SLC22A11: variants seen among roughly 807,000 people sequenced by gnomAD.
SLC22A11 encodes the protein solute carrier family 22 member 11.
Under a neutral mutation model 49.4 loss-of-function variants are expected in SLC22A11, and 42 were observed. The observed-to-expected ratio is 0.85, with a 90% CI of 0.66 to 1.10. The LOEUF (loss-of-function observed/expected upper bound fraction) is 1.10. Ranked by LOEUF, SLC22A11 falls within the 50% of genes least tolerant of loss-of-function variation. The pLI is 0.00. For missense variants in SLC22A11, 685 were observed against 731.6 expected (o/e 0.94, Z 0.74); for synonymous variants, 304 against 315.8 (o/e 0.96, Z 0.40).
Position 64,565,653 on chromosome 11 carries a change from G to T in SLC22A11, c.1058+316G>T, listed in dbSNP as rs781126652. ...AGAGCCAGGGTCCCTAGAGCCAGGG[G>T]ACCAGCCACGGCCGAGGAGTACCAC... On this transcript the variant is annotated intron_variant, in intron 6 of 9. Transcript: ENST00000301891. This position sits in a 1 kb window ranked among gnomAD's most constrained non-coding sequence, Gnocchi z 4.1. 4 of 467,708 alleles carry T rather than the reference G, an allele frequency of 8.6e-6. No individual in the cohort carries two copies. Among genetic ancestry groups the T allele is most frequent in the African/African-American group, 3.9e-5 (2 of 50,836 alleles). 29.0% of individuals were successfully genotyped at this position (467,708 alleles called of 1,614,324 possible). A position where few individuals can be genotyped will look rare whatever the true frequency, so the allele number is the denominator to read the frequency against.
chr11:64,564,228 C>T lies in SLC22A11; in HGVS notation c.822-80C>T. ...TCATCACTCATCTCAGCTGGAGGGTCCGTGCCCACTGCCCCTTTCCACCCC... is the reference window on the plus strand; with the variant it reads ...TCATCACTCATCTCAGCTGGAGGGTTCGTGCCCACTGCCCCTTTCCACCCC... On this transcript the variant is annotated intron_variant, in intron 4 of 9. Coordinates refer to ENST00000301891, the MANE Select transcript of SLC22A11 (RefSeq NM_018484.4). This position sits in a 1 kb window ranked among gnomAD's most constrained non-coding sequence, Gnocchi z 4.2. 3 of 1,566,384 alleles carry T rather than the reference C, an allele frequency of 1.9e-6. No homozygotes were observed. The highest frequency in any genetic ancestry group is 2.6e-6 in the Non-Finnish European group (3 of 1,147,700).
intron 2 of SLC22A11, among the ~76,000 whole-genome samples, chr11:64,561,412 G>A (rs1454912000): frequency 1.3e-5 from 2 of 152,144 alleles, no homozygotes; most frequent in Non-Finnish European, 2.9e-5. Context: ...CAGAGCTGGG[G>A]CTCAAACCCA....
intron 6 of SLC22A11, chr11:64,566,097 G>C (rs529025053): frequency 6.3e-6 from 1 of 159,650 alleles, no homozygotes; most frequent in Non-Finnish European, 1.4e-5. Context: ...TTCAAGACCA[G>C]CCTGGGTAAC....
Position 64,565,429 on chromosome 11 carries a change from C to T in SLC22A11, c.1058+92C>T. The T allele has an allele frequency of 1.9e-6, 2 of 1,025,870 alleles. No homozygotes were observed. Among genetic ancestry groups the T allele is most frequent in the Non-Finnish European group, 2.9e-6 (2 of 682,080 alleles). 63.5% of individuals were successfully genotyped at this position (1,025,870 alleles called of 1,614,324 possible). A position where few individuals can be genotyped will look rare whatever the true frequency, so the allele number is the denominator to read the frequency against. ...CAGGAGGCAGAGCGTCCAGGGGAAA[C>T]AGCACCCGCAGGCCTCAAGGGGGTG... On this transcript the variant is annotated intron_variant, in intron 6 of 9. Coordinates refer to ENST00000301891, the MANE Select transcript of SLC22A11 (RefSeq NM_018484.4). This position sits in a 1 kb window ranked among gnomAD's most constrained non-coding sequence, Gnocchi z 4.1.
In SLC22A11 at chr11:64,562,252, G is replaced by A. The variant is rs868213630; in HGVS notation, c.653-15G>A. The A allele has an allele frequency of 1.2e-6, 2 of 1,601,408 alleles. No individual in the cohort carries two copies. Among genetic ancestry groups the A allele is most frequent in the Middle Eastern group, 3.3e-4 (2 of 6,022 alleles). ...GCCGCATGAGGCCTCACCTGCACGTGTCTGCATCCTTCAGTGGTGGAGTGG... is the reference window on the plus strand; with the variant it reads ...GCCGCATGAGGCCTCACCTGCACGTATCTGCATCCTTCAGTGGTGGAGTGG... On this transcript the variant is annotated splice_polypyrimidine_tract_variant and intron_variant, in intron 3 of 9. Transcript: ENST00000301891. The surrounding 1 kb of genome is among the most constrained non-coding windows in gnomAD (Gnocchi z 4.4).
At chr11:64,556,510 C>G in intron 1 of SLC22A11, 118 bp downstream of exon 1, 2 of 1,450,490 alleles carry the variant, frequency 1.4e-6, no homozygotes, top group South Asian at 2.6e-5. Flanking sequence ...TCGAGCCTCT[C>G]AGCCCCTCGT....
At position 64,564,254 on chromosome 11, in the gene SLC22A11, G is replaced by A. The variant is rs374708287; in HGVS notation, c.822-54G>A. 6.8e-6 allele frequency: 11 copies of A among 1,606,674 alleles called. No homozygotes were observed. The highest frequency in any genetic ancestry group is 1.7e-4 in the Middle Eastern group (1 of 6,008). On this transcript the variant is annotated intron_variant, in intron 4 of 9. Transcript: ENST00000301891. This position sits in a 1 kb window ranked among gnomAD's most constrained non-coding sequence, Gnocchi z 4.2. Reference sequence around the variant, plus strand: ...CGTGCCCACTGCCCCTTTCCACCCCGCCCCGGGGGAGAGCCCAGCGTGCAC... The same window carrying A: ...CGTGCCCACTGCCCCTTTCCACCCCACCCCGGGGGAGAGCCCAGCGTGCAC...
intron 6 of SLC22A11, chr11:64,566,703 G>T (rs1565123391): frequency 6.6e-6 from 1 of 152,118 alleles, no homozygotes; most frequent in East Asian, 1.9e-4. Context: ...AAACACCGCG[G>T]CTTGTGCGAT....
At position 64,564,257 on chromosome 11, in the gene SLC22A11, C is replaced by G. The variant is rs552352353; in HGVS notation, c.822-51C>G. 1.2e-6 allele frequency: 2 copies of G among 1,609,058 alleles called. No homozygotes were observed. The highest frequency in any genetic ancestry group is 2.2e-5 in the East Asian group (1 of 44,812). ...GCCCACTGCCCCTTTCCACCCCGCC[C>G]CGGGGGAGAGCCCAGCGTGCACTCC... On this transcript the variant is annotated intron_variant, in intron 4 of 9. Coordinates refer to ENST00000301891, the MANE Select transcript of SLC22A11 (RefSeq NM_018484.4). This position sits in a 1 kb window ranked among gnomAD's most constrained non-coding sequence, Gnocchi z 4.2.
chr11:64,569,645 C>T lies in SLC22A11; in HGVS notation c.1383-7C>T, dbSNP rs753891295. On this transcript the variant is annotated splice_polypyrimidine_tract_variant and splice_region_variant and intron_variant, in intron 8 of 9. Coordinates refer to ENST00000301891, the MANE Select transcript of SLC22A11 (RefSeq NM_018484.4). ...ACAGGGATCTGGGCCCTCCCCTTCA[C>T]CCACAGGATGACAGCAGATGGCATT... is the stretch of plus-strand genomic sequence containing the variant. 10 of 1,611,954 alleles carry T rather than the reference C, an allele frequency of 6.2e-6. No individual in the cohort carries two copies. The highest frequency in any genetic ancestry group is 8.5e-6 in the Non-Finnish European group (10 of 1,178,620).
At chr11:64,559,305 G>C in intron 2 of SLC22A11, 67 bp downstream of exon 2, 1 of 1,266,008 alleles carries the variant, frequency 7.9e-7, no homozygotes, top group African/African-American at 1.5e-5. Context: ...TGGGGCAGAA[G>C]GTTCAGAAAT....
At position 64,561,212 on chromosome 11, in the gene SLC22A11, C is replaced by G. The variant is rs982238160; in HGVS notation, c.498-792C>G. On this transcript the variant is annotated intron_variant, in intron 2 of 9. Transcript: ENST00000301891. ...CTCTGCATCCGCCCCATGAGCACCC[C>G]CTTCACAGCGCACAGGTGAGAGCAG... 5.9e-5 allele frequency among the ~76,000 whole-genome samples: 9 copies of G among 152,258 alleles called. No homozygotes were observed. In the South Asian group the frequency reaches 1.7e-3, roughly 28 times the overall value.
chr11:64,556,521 C>A, intron 1 of SLC22A11, 129 bp downstream of exon 1: 1 of 1,385,338 alleles, frequency 7.2e-7, no homozygotes, highest in Non-Finnish European at 9.7e-7. Flanking sequence ...AGCCCCTCGT[C>A]AGCCACACAC....
rs775727049 is a variant in SLC22A11 at position 64,567,728 on chromosome 11, CA to C, written c.1189del (p.Ser397ValfsTer21). 5.6e-6 allele frequency: 9 copies of C among 1,613,526 alleles called. No homozygotes were observed. Among genetic ancestry groups the C allele is most frequent in the Admixed American group, 1.7e-5 (1 of 60,014 alleles). On this transcript the variant is annotated frameshift_variant, in exon 7 of 10. Transcript: ENST00000301891. LOFTEE classifies it high-confidence loss of function. ...GCCGGGCCACCACTGCCCTCTTGCT[CA>C]GTTTCCTTGGCCGCCGCACCATCCA... is the stretch of plus-strand genomic sequence containing the variant. ...LGRATTALLL[S>X]FLGRRTIQAG...
chr11:64,568,771 C>A lies in SLC22A11; in HGVS notation c.1375C>A (p.Pro459Thr). ...TIYKAELFPT[P>T]VRMTADGILH... ...CTACAAGGCTGAACTCTTTCCAACG[C>A]CAGTGCGGTAAGCTGGGCTGCAGGC... The change falls in exon 8 of 10, where the codon CCA becomes ACA. Residue 459 changes from proline to threonine, a missense_variant. Physicochemically the swap from Pro to Thr is conservative, Grantham distance 38. Coordinates refer to ENST00000301891, the MANE Select transcript of SLC22A11 (RefSeq NM_018484.4). The A allele has an allele frequency of 6.2e-7, 1 of 1,613,556 alleles. No homozygotes were observed. Among genetic ancestry groups the A allele is most frequent in the Non-Finnish European group, 8.5e-7 (1 of 1,179,582 alleles).
chr11:64,558,482 C>T (rs1293242323), intron 1 of SLC22A11, among the ~76,000 whole-genome samples: 1 of 152,162 alleles, frequency 6.6e-6, no homozygotes, highest in Non-Finnish European at 1.5e-5. Context: ...GGTGTTCAGG[C>T]AATGGATGAC....
chr11:64,571,046 T>C lies in SLC22A11; in HGVS notation c.*4T>C. On this transcript the variant is annotated 3_prime_UTR_variant, in exon 10 of 10. Transcript: ENST00000301891. ...TGTGGAAAGTACCTCGCTCTAGAAA[T>C]TGTGCCTGCATGGAGCCCCTTTAGT... 6.2e-7 allele frequency: 1 copy of C among 1,614,180 alleles called. No individual in the cohort carries two copies. The highest frequency in any genetic ancestry group is 1.1e-5 in the South Asian group (1 of 91,084).
chr11:64,569,579 CTG>C (rs1304297656), intron 8 of SLC22A11, 71 bp from the exon 9 acceptor site: 2 of 1,488,552 alleles, frequency 1.3e-6, no homozygotes, highest in Admixed American at 3.6e-5. Flanking sequence ...CCCCTGGCAT[CTG>C]TGAGCCCAGG....
At chr11:64,569,960 C>T in intron 9 of SLC22A11, 102 bp downstream of exon 9, 1 of 1,040,710 alleles carries the variant, frequency 9.6e-7, no homozygotes, top group South Asian at 1.5e-5. Flanking sequence ...AGTACCAAGG[C>T]CTGTGTTTCT....
Sources: allele counts gnomAD v4.1 joint callset (sites outside exome capture counted in the v4.1 genomes callset), GRCh38; gene constraint gnomAD v4.1.1; non-coding constraint Gnocchi (gnomAD v3.1); transcripts MANE v1.5; gene names NCBI Gene and HGNC (gene_info 2026-07-23, HGNC 2026-07-21).